Variants in ZAR1 observed in about 807,000 individuals in gnomAD.
ZAR1 encodes zygote arrest protein 1.
ZAR1 carries 37 observed loss-of-function variants against 38.3 expected under a neutral mutation model. The ratio of observed to expected loss-of-function variants is 0.97; its 90% confidence interval spans 0.74 to 1.27. The LOEUF (loss-of-function observed/expected upper bound fraction) is 1.27. Ranked by LOEUF, ZAR1 falls within the 50% of genes most tolerant of loss-of-function variation. ZAR1 has a pLI of 0.00. For synonymous variants in ZAR1, 336 were observed against 292.0 expected, an observed-to-expected ratio of 1.15 and a Z score of -1.53; for missense variants, 651 against 632.4, an observed-to-expected ratio of 1.03 and a Z score of -0.32.
At chr4:48,491,514 C>T (rs781386930) in intron 1 of ZAR1, among the ~76,000 whole-genome samples, 4 of 152,218 alleles carry the variant, frequency 2.6e-5, no homozygotes, top group Non-Finnish European at 5.9e-5. Context: ...TTCTTATAAC[C>T]CACATATTTG....
chr4:48,491,947 T>TA (rs1278164881), intron 1 of ZAR1, among the ~76,000 whole-genome samples: 1 of 152,170 alleles, frequency 6.6e-6, no homozygotes, highest in Non-Finnish European at 1.5e-5. Flanking sequence ...CAAGAGGTGG[T>TA]AAGAAGCCCG....
rs117093582 is a variant in ZAR1 at position 48,491,612 on chromosome 4, C to T, written c.963+358C>T. ...CAGTAGGCACAACTGAACTTCGGAG[C>T]ACTTGCCGGCTGGAGAGTCGATTCC... On this transcript the variant is annotated intron_variant, in intron 1 of 3. Transcript: ENST00000327939. 1.2e-4 allele frequency among the ~76,000 whole-genome samples: 18 copies of T among 152,370 alleles called. 1 individual carries two copies. The East Asian group carries it at 2.3e-3, about 20-fold the overall frequency.
intron 3 of ZAR1, 45 bp downstream of exon 3, chr4:48,493,057 A>AG: frequency 6.3e-7 from 1 of 1,582,438 alleles, no homozygotes; most frequent in Non-Finnish European, 8.7e-7. Context: ...GCAGTCGTCG[A>AG]GGGTTTTTAG....
At chr4:48,497,141 G>A (rs936985272), downstream of ZAR1, among the ~76,000 whole-genome samples, 7 of 152,256 alleles carry the variant, frequency 4.6e-5, 3 homozygotes. Context: ...TCTTATAAGC[G>A]TACTATTTAA....
At chr4:48,491,955 C>G (rs1480857280) in intron 1 of ZAR1, among the ~76,000 whole-genome samples, 2 of 152,174 alleles carry the variant, frequency 1.3e-5, no homozygotes, top group African/African-American at 4.8e-5. Context: ...GGTAAGAAGC[C>G]CGAGGGAGTC....
In ZAR1 at chr4:48,491,038, C is replaced by T; in HGVS notation, c.747C>T (p.Val249=). 2.2e-6 allele frequency: 3 copies of T among 1,354,130 alleles called. No homozygotes were observed. The highest frequency in any genetic ancestry group is 2.8e-6 in the Non-Finnish European group (3 of 1,059,032). The allele number at this position is 1,354,130 out of a possible 1,614,324, so 83.9% of individuals were successfully genotyped here. The change falls in exon 1 of 4, where the codon GTC becomes GTT. Residue 249 remains valine, a synonymous_variant. Transcript: ENST00000327939. The stretch of plus-strand genomic sequence containing the variant: ...ACGACGGCGAGGCCCAGGCCGCAGT[C>T]CGAGCGAGCTGGGAGCAGCCGGCCG... ...SDDDGEAQAA[V]RASWEQPADG...
chr4:48,494,663 C>A (rs1718538280), downstream of ZAR1, among the ~76,000 whole-genome samples: 1 of 150,902 alleles, frequency 6.6e-6, no homozygotes, highest in Non-Finnish European at 1.5e-5. Context: ...GCACTCCAGC[C>A]TGGGTGACAG....
At position 48,491,926 on chromosome 4, in the gene ZAR1, G is replaced by A. The variant is rs113035582; in HGVS notation, c.963+672G>A. ...AGAGGGCAGTTGTGACCTAGCAGAA[G>A]TGGAAAGGCACAAGAGGTGGTAAGA... On this transcript the variant is annotated intron_variant, in intron 1 of 3. Coordinates refer to ENST00000327939, the MANE Select transcript of ZAR1 (RefSeq NM_175619.3). Among the ~76,000 whole-genome samples, 947 of 152,346 alleles carry A rather than the reference G, an allele frequency of 6.2e-3. 12 individuals carry two copies. Among genetic ancestry groups the A allele is most frequent in the African/African-American group, 0.021 (888 of 41,572 alleles).
Position 48,491,105 on chromosome 4 carries a change from G to A in ZAR1, c.814G>A (p.Ala272Thr). 1 of 1,270,854 alleles carries A rather than the reference G, an allele frequency of 7.9e-7. No homozygotes were observed. Among genetic ancestry groups the A allele is most frequent in the Non-Finnish European group, 9.9e-7 (1 of 1,010,458 alleles). The allele number at this position is 1,270,854 out of a possible 1,614,324, so 78.7% of individuals were successfully genotyped here. A position where few individuals can be genotyped will look rare whatever the true frequency, so the allele number is the denominator to read the frequency against. Residue 272 changes from alanine (A) to threonine (T), a missense_variant, in exon 1 of 4, where the codon GCG (alanine) becomes ACG (threonine). Ala to Thr is a moderately conservative substitution (Grantham distance 58, BLOSUM62 0). Transcript: ENST00000327939. ...GCCGCGAGAGGCCCAGGAGGGCGAG[G>A]CGGCTCCGCGGTCGGCGCTAAGGAG... is the stretch of plus-strand genomic sequence containing the variant. The part of the protein sequence containing the change: ...LPPREAQEGE[A>T]APRSALRSPG...
Position 48,491,058 on chromosome 4 carries a change from C to T in ZAR1, c.767C>T (p.Pro256Leu), listed in dbSNP as rs1429431947. ...QAAVRASWEQPADGPELPPRE... is the reference protein window; with the variant it reads ...QAAVRASWEQLADGPELPPRE... Reference sequence around the variant, plus strand: ...GCAGTCCGAGCGAGCTGGGAGCAGCCGGCCGACGGTCCCGAGCTGCCGCCG... The same window carrying T: ...GCAGTCCGAGCGAGCTGGGAGCAGCTGGCCGACGGTCCCGAGCTGCCGCCG... The change falls in exon 1 of 4, where the codon CCG becomes CTG. Residue 256 changes from proline (P) to leucine (L), a missense_variant. This residue lies in a region of ZAR1 where 522 missense variants were observed against 459.9 expected (regional missense o/e 1.14). Coordinates refer to ENST00000327939, the MANE Select transcript of ZAR1 (RefSeq NM_175619.3). The T allele has an allele frequency of 1.5e-6, 2 of 1,333,508 alleles. No homozygotes were observed. The highest frequency in any genetic ancestry group is 2.0e-5 in the South Asian group (1 of 50,876). 82.6% of individuals were successfully genotyped at this position (1,333,508 alleles called of 1,614,324 possible).
chr4:48,496,296 T>C (rs1367624791), downstream of ZAR1, among the ~76,000 whole-genome samples: 1 of 152,102 alleles, frequency 6.6e-6, no homozygotes, highest in East Asian at 1.9e-4. Flanking sequence ...CATGTTCCTG[T>C]TGATTTGGTT....
At chr4:48,493,957 G>T (rs1718513601) in intron 3 of ZAR1, 144 bp from the exon 4 acceptor site, 3 of 948,136 alleles carry the variant, frequency 3.2e-6, no homozygotes. Context: ...CGTAGGTAGG[G>T]ATGTAGAGGG....
chr4:48,491,008 C>A lies in ZAR1; in HGVS notation c.717C>A (p.Ser239=). 7.3e-7 allele frequency: 1 copy of A among 1,363,604 alleles called. No individual in the cohort carries two copies. The highest frequency in any genetic ancestry group is 9.4e-7 in the Non-Finnish European group (1 of 1,063,236). The allele number at this position is 1,363,604 out of a possible 1,614,324, so 84.5% of individuals were successfully genotyped here. A position where few individuals can be genotyped will look rare whatever the true frequency, so the allele number is the denominator to read the frequency against. ...WTKKAPRRPQ[S]DDDGEAQAAV... ...AGAAGGCGCCCCGGCGGCCGCAGTC[C>A]GACGACGACGGCGAGGCCCAGGCCG... Residue 239 remains serine, a synonymous_variant, in exon 1 of 4, where the codon TCC becomes TCA. Transcript: ENST00000327939.
chr4:48,491,686 C>T (rs1383891895), intron 1 of ZAR1, among the ~76,000 whole-genome samples: 2 of 152,242 alleles, frequency 1.3e-5, no homozygotes, highest in African/African-American at 4.8e-5. Context: ...AAAAACCCTT[C>T]AACTGCTGGG....
At chr4:48,496,823 G>GA (rs1560484924), downstream of ZAR1, among the ~76,000 whole-genome samples, 1 of 152,054 alleles carries the variant, frequency 6.6e-6, no homozygotes, top group Non-Finnish European at 1.5e-5. Flanking sequence ...AAAAATTAGG[G>GA]AAAAAATGCT....
In ZAR1 at chr4:48,490,627, G is replaced by C; in HGVS notation, c.336G>C (p.Pro112=). Reference sequence around the variant, plus strand: ...GCGACGTGGCGGTGCAGGTGAGCCCGCGCATCGACGCCGCGGTACAGTGCT... The same window carrying C: ...GCGACGTGGCGGTGCAGGTGAGCCCCCGCATCGACGCCGCGGTACAGTGCT... ...GSCDVAVQVS[P]RIDAAVQCSL... Residue 112 remains proline (P), a synonymous_variant, in exon 1 of 4, where the codon CCG becomes CCC. Transcript: ENST00000327939. 7.4e-7 allele frequency: 1 copy of C among 1,358,098 alleles called. No homozygotes were observed. The highest frequency in any genetic ancestry group is 1.8e-5 in the South Asian group (1 of 54,952). The allele number at this position is 1,358,098 out of a possible 1,614,324, so 84.1% of individuals were successfully genotyped here. A position where few individuals can be genotyped will look rare whatever the true frequency, so the allele number is the denominator to read the frequency against.
Position 48,490,811 on chromosome 4 carries a change from C to A in ZAR1, c.520C>A (p.Arg174Ser). The stretch of plus-strand genomic sequence containing the variant: ...CCAGAACGGCGCCCCGCGGCCCATG[C>A]GCTTCCCGCGCACCGTCGCCGTGTA... ...SPQNGAPRPM[R>S]FPRTVAVYSP... Residue 174 changes from arginine to serine, a missense_variant, in exon 1 of 4, where the codon CGC (arginine) becomes AGC (serine). Coordinates refer to ENST00000327939, the MANE Select transcript of ZAR1 (RefSeq NM_175619.3). 1 of 1,507,244 alleles carries A rather than the reference C, an allele frequency of 6.6e-7. No homozygotes were observed. The highest frequency in any genetic ancestry group is 8.8e-7 in the Non-Finnish European group (1 of 1,135,848). The allele number at this position is 1,507,244 out of a possible 1,614,324, so 93.4% of individuals were successfully genotyped here.
Position 48,494,368 on chromosome 4 carries a change from A to G in ZAR1, c.*124A>G. 1 of 1,263,880 alleles carries G rather than the reference A, an allele frequency of 7.9e-7. No homozygotes were observed. Among genetic ancestry groups the G allele is most frequent in the South Asian group, 1.3e-5 (1 of 76,996 alleles). 78.3% of individuals were successfully genotyped at this position (1,263,880 alleles called of 1,614,324 possible). On this transcript the variant is annotated 3_prime_UTR_variant, in exon 4 of 4. Coordinates refer to ENST00000327939, the MANE Select transcript of ZAR1 (RefSeq NM_175619.3). ...GGCAGTGTATTCTGAAAAAGCCTTC[A>G]AATAAAGGTATTGCAACACGATTTA...
Position 48,494,154 on chromosome 4 carries a change from T to TAA in ZAR1, c.1187_1188dup (p.Arg397AsnfsTer31). The TAA allele has an allele frequency of 6.2e-7, 1 of 1,613,982 alleles. No homozygotes were observed. The highest frequency in any genetic ancestry group is 8.5e-7 in the Non-Finnish European group (1 of 1,179,954). On this transcript the variant is annotated frameshift_variant, in exon 4 of 4. Transcript: ENST00000327939. LOFTEE classifies it high-confidence loss of function. ...CAGTAAAACTTCGCCACGTGGACCC[T>TAA]AAACGGCCCCACCGTCAAGATTTGT...
Sources: allele counts gnomAD v4.1 joint callset (sites outside exome capture counted in the v4.1 genomes callset), GRCh38; gene constraint gnomAD v4.1.1; regional missense constraint gnomAD v4.1.1; transcripts MANE v1.5; gene names NCBI Gene and HGNC (gene_info 2026-07-23, HGNC 2026-07-21).